The following CCDC7 variants were observed in gnomAD, a reference collection of about 807,000 sequenced individuals.
CCDC7 encodes the protein coiled-coil domain containing 7.
CCDC7 carries 183 observed loss-of-function variants against 196.9 expected under a neutral mutation model. The ratio of observed to expected loss-of-function variants is 0.93; its 90% CI spans 0.82 to 1.05. The LOEUF is 1.05. Ranked by LOEUF, CCDC7 falls within the 50% of genes least tolerant of loss-of-function variation. CCDC7 has a pLI of 0.00. For missense variants in CCDC7, 1,540 were observed against 1,482.2 expected (o/e 1.04, Z -0.64); for synonymous variants, 525 against 484.6 (o/e 1.08, Z -1.10).
At chr10:32,556,934 C>T (rs1275670646) in intron 13 of CCDC7, among the ~76,000 whole-genome samples, 1 of 152,174 alleles carries the variant, frequency 6.6e-6, no homozygotes, top group Non-Finnish European at 1.5e-5. Context: ...TGGTTTATTG[C>T]ATTTCTGTGC....
rs76961114 is a variant in CCDC7, at chr10:32,460,005, A to G, written c.457-2678A>G. ...GCTTTGGGACAACTGGTTATTTATA[A>G]AGGAAAAAACTAATTTGATATATGA... On this transcript the variant is annotated intron_variant, in intron 3 of 41. Coordinates refer to ENST00000639629, the Ensembl canonical transcript of CCDC7. Among the ~76,000 whole-genome samples the G allele has an allele frequency of 7.9e-3, 1,204 of 152,262 alleles. 7 individuals are homozygous for G. The highest frequency in any genetic ancestry group is 0.02 in the Middle Eastern group (6 of 294).
At chr10:32,686,548 G>C (rs1480397047) in intron 22 of CCDC7, among the ~76,000 whole-genome samples, 1 of 152,202 alleles carries the variant, frequency 6.6e-6, no homozygotes, top group Non-Finnish European at 1.5e-5. Flanking sequence ...CATTCTGTTG[G>C]TTGGGGCCTG....
intron 13 of CCDC7, among the ~76,000 whole-genome samples, chr10:32,558,567 T>C (rs1241084870): frequency 2.6e-5 from 4 of 152,190 alleles, no homozygotes; most frequent in African/African-American, 7.2e-5. Context: ...ACTAGGCACC[T>C]TGAATGGCTC....
At position 32,633,762 on chromosome 10, in the gene CCDC7, A is replaced by G. The variant is rs538642499; in HGVS notation, c.1802-492A>G. On this transcript the variant is annotated intron_variant, in intron 18 of 41. Coordinates refer to ENST00000639629, the Ensembl canonical transcript of CCDC7. ...TATGTGTGTGTGTGTGTATATATAT[A>G]TGTTTTGGAATTGTGCATTAACTTA... Among the ~76,000 whole-genome samples, 128 of 148,570 alleles carry G rather than the reference A, an allele frequency of 8.6e-4. 2 individuals carry two copies. Among genetic ancestry groups the G allele is most frequent in the East Asian group, 4.0e-4 (2 of 4,942 alleles).
chr10:32,558,031 A>G (rs2054649546), intron 13 of CCDC7, among the ~76,000 whole-genome samples: 1 of 152,148 alleles, frequency 6.6e-6, no homozygotes, highest in African/African-American at 2.4e-5. Context: ...AATTTTATTT[A>G]TTATGAGCAT....
At position 32,592,657 on chromosome 10, in the gene CCDC7, G is replaced by A. The variant is rs146797233; in HGVS notation, c.1801+8353G>A. On this transcript the variant is annotated intron_variant, in intron 18 of 41. Coordinates refer to ENST00000639629, the Ensembl canonical transcript of CCDC7. ...ATTGGTGTGCTGCACCCGTTAACTC[G>A]TCATTTACATTAGGTATATCTCCTA... Among the ~76,000 whole-genome samples, 1,107 of 151,992 alleles carry A rather than the reference G, an allele frequency of 7.3e-3. 17 individuals are homozygous for A. The highest frequency in any genetic ancestry group is 0.024 in the African/African-American group (987 of 41,422).
At chr10:32,547,969 A>G (rs1386707591) in intron 13 of CCDC7, among the ~76,000 whole-genome samples, 1 of 152,014 alleles carries the variant, frequency 6.6e-6, no homozygotes, top group Non-Finnish European at 1.5e-5. Context: ...CAAGTCCCCA[A>G]AGTCTATTGT....
chr10:32,792,326 T>C (rs2082839553), intron 29 of CCDC7, among the ~76,000 whole-genome samples: 1 of 152,190 alleles, frequency 6.6e-6, no homozygotes, highest in Admixed American at 6.5e-5. Context: ...GTAGATCATA[T>C]ATATCTCTAG....
intron 41 of CCDC7, among the ~76,000 whole-genome samples, chr10:32,873,085 G>A (rs1223352265): frequency 3.3e-5 from 5 of 152,032 alleles, no homozygotes; most frequent in Non-Finnish European, 7.4e-5. Context: ...ATGTTGGCCT[G>A]CCTTGCTAGA....
chr10:32,816,277 C>T (rs982514587), intron 31 of CCDC7, among the ~76,000 whole-genome samples: 6 of 152,156 alleles, frequency 3.9e-5, no homozygotes, highest in East Asian at 1.9e-4. Context: ...AAGGTGGCAG[C>T]GAGGCTGGTG....
At chr10:32,561,304 T>C (rs963058057) in intron 13 of CCDC7, among the ~76,000 whole-genome samples, 2 of 152,166 alleles carry the variant, frequency 1.3e-5, no homozygotes, top group Non-Finnish European at 1.5e-5. Context: ...GCAGACCTAA[T>C]AGACATCTAC....
At chr10:32,863,799 A>G (rs1004051950) in intron 41 of CCDC7, among the ~76,000 whole-genome samples, 1 of 151,986 alleles carries the variant, frequency 6.6e-6, no homozygotes, top group Non-Finnish European at 1.5e-5. Context: ...TAAAACTCCT[A>G]GAAGAGAACA....
chr10:32,830,637 T>C (rs4601711), intron 32 of CCDC7, among the ~76,000 whole-genome samples: 15,995 of 152,164 alleles, frequency 0.11, 1,039 homozygotes, highest in South Asian at 0.25. Flanking sequence ...TGGGATACAA[T>C]GTGATGTTTT....
intron 18 of CCDC7, among the ~76,000 whole-genome samples, chr10:32,610,422 A>G (rs1317886939): frequency 6.6e-6 from 1 of 151,882 alleles, no homozygotes; most frequent in Non-Finnish European, 1.5e-5. Flanking sequence ...CTTTATTATT[A>G]TTATTATTTT....
chr10:32,449,014 G>A (rs1470860462), upstream of CCDC7, among the ~76,000 whole-genome samples: 2 of 151,528 alleles, frequency 1.3e-5, no homozygotes, highest in Non-Finnish European at 2.9e-5. Flanking sequence ...GTGATTACTC[G>A]TGTTGTTTTA....
intron 41 of CCDC7, among the ~76,000 whole-genome samples, chr10:32,856,181 T>C (rs908570046): frequency 6.6e-6 from 1 of 152,184 alleles, no homozygotes; most frequent in Admixed American, 6.5e-5. Context: ...TCTTGGATGA[T>C]ACCAAACACA....
intron 21 of CCDC7, among the ~76,000 whole-genome samples, chr10:32,673,336 G>A (rs2140830030): frequency 6.6e-6 from 1 of 152,046 alleles, no homozygotes; most frequent in South Asian, 2.1e-4. Context: ...TGTGCCATTG[G>A]TATTTTGATA....
chr10:32,817,401 G>C (rs1287007780), intron 31 of CCDC7, among the ~76,000 whole-genome samples: 15 of 152,168 alleles, frequency 9.9e-5, no homozygotes, highest in Non-Finnish European at 2.2e-4. Flanking sequence ...GAACCAAGTT[G>C]GAAAACACTC....
intron 25 of CCDC7, among the ~76,000 whole-genome samples, chr10:32,718,755 AG>A (rs1236172763): frequency 6.6e-6 from 1 of 152,200 alleles, no homozygotes; most frequent in Non-Finnish European, 1.5e-5. Flanking sequence ...CCAACTCATG[AG>A]TGAACTCCCA....
Sources: allele counts gnomAD v4.1 joint callset (sites outside exome capture counted in the v4.1 genomes callset), GRCh38; gene constraint gnomAD v4.1.1; transcripts MANE v1.5; gene names NCBI Gene and HGNC (gene_info 2026-07-23, HGNC 2026-07-21).